The following LHFPL3 variants were observed in gnomAD, a reference collection of about 807,000 sequenced individuals.
The protein encoded by LHFPL3 is LHFPL tetraspan subfamily member 3 protein.
A neutral mutation model predicts 19.3 loss-of-function variants in LHFPL3; 5 were observed. The ratio of observed to expected loss-of-function variants is 0.26; its 90% CI spans 0.14 to 0.54. LHFPL3 has a LOEUF of 0.54. Ranked by LOEUF, LHFPL3 falls within the 20% of genes least tolerant of loss-of-function variation. The probability of loss-of-function intolerance (pLI) is 0.94; values close to 1 mark genes in which losing one functional copy is unlikely to be tolerated. For synonymous variants in LHFPL3, 133 were observed against 126.2 expected (o/e 1.05, Z -0.36); for missense variants, 249 against 307.4 (o/e 0.81, Z 1.42).
At chr7:104,603,066 T>TTTTC (rs373564018) in intron 1 of LHFPL3, among the ~76,000 whole-genome samples, 10,513 of 107,988 alleles carry the variant, frequency 0.097, 571 homozygotes, top group African/African-American at 0.12. Flanking sequence ...CTTTCTTTCT[T>TTTTC]TTTCTTTCTT....
At chr7:104,518,853 TA>T (rs1210143606) in intron 1 of LHFPL3, among the ~76,000 whole-genome samples, 3 of 137,588 alleles carry the variant, frequency 2.2e-5, no homozygotes, top group Non-Finnish European at 4.5e-5. Context: ...ATAGAATAAA[TA>T]AAAAAACTGT....
chr7:104,668,509 A>T, intron 1 of LHFPL3: 1 of 1,613,190 alleles, frequency 6.2e-7, no homozygotes, highest in Non-Finnish European at 8.5e-7. Flanking sequence ...CGGGATCGCT[A>T]TGATGACCGA....
At chr7:104,389,870 C>G (rs1190125923) in intron 1 of LHFPL3, among the ~76,000 whole-genome samples, 3 of 152,016 alleles carry the variant, frequency 2.0e-5, no homozygotes, top group Non-Finnish European at 4.4e-5. Flanking sequence ...ATCAACTCAC[C>G]ATCAATTACA....
chr7:104,819,599 T>C (rs770672360), intron 2 of LHFPL3, among the ~76,000 whole-genome samples: 12 of 152,344 alleles, frequency 7.9e-5, no homozygotes, highest in Non-Finnish European at 1.0e-4. Flanking sequence ...ATCACTCTTG[T>C]AATATAAAGT....
intron 2 of LHFPL3, among the ~76,000 whole-genome samples, chr7:104,822,938 C>T (rs1367414825): frequency 6.6e-6 from 1 of 152,104 alleles, no homozygotes; most frequent in Non-Finnish European, 1.5e-5. Flanking sequence ...ATGTGACTGG[C>T]TCTGAGTTAC....
rs2115642175 is a variant in LHFPL3, at chr7:104,592,162, G to T, written c.446-144513G>T. ...CTCCATCCAGCTTTGTTCCATTGCT[G>T]GTGAGGAGCTGCTTTCCTTTGGAGG... On this transcript the variant is annotated intron_variant, in intron 1 of 2. Transcript: ENST00000424859. Among the ~76,000 whole-genome samples, 3 of 152,208 alleles carry T rather than the reference G, an allele frequency of 2.0e-5. 1 individual carries two copies. The South Asian group carries it at 6.2e-4, about 32-fold the overall frequency.
intron 1 of LHFPL3, among the ~76,000 whole-genome samples, chr7:104,477,563 A>G (rs774046962): frequency 3.3e-5 from 5 of 152,182 alleles, no homozygotes; most frequent in Non-Finnish European, 5.9e-5. Flanking sequence ...ACACATGGAA[A>G]CATAGAGGGG....
At position 104,646,538 on chromosome 7, in the gene LHFPL3, G is replaced by A. The variant is rs547584821; in HGVS notation, c.446-90137G>A. Among the ~76,000 whole-genome samples, 42 of 152,240 alleles carry A rather than the reference G, an allele frequency of 2.8e-4. No homozygotes were observed. In the South Asian group the frequency reaches 8.7e-3, roughly 32 times the overall value. On this transcript the variant is annotated intron_variant, in intron 1 of 2. Coordinates refer to ENST00000424859, the MANE Select transcript of LHFPL3 (RefSeq NM_199000.3). ...TTGGCTGCATTATCTGGTTTCTATT[G>A]GGAAAATAAATTCTAAACTCAATAA...
intron 1 of LHFPL3, among the ~76,000 whole-genome samples, chr7:104,497,399 A>T (rs531658639): frequency 1.3e-5 from 2 of 152,164 alleles, no homozygotes; most frequent in African/African-American, 4.8e-5. Flanking sequence ...ACACACACAC[A>T]TACACACACA....
chr7:104,767,149 A>T (rs1389252729), intron 2 of LHFPL3, among the ~76,000 whole-genome samples: 1 of 152,248 alleles, frequency 6.6e-6, no homozygotes, highest in Non-Finnish European at 1.5e-5. Flanking sequence ...TTCTCAAAGT[A>T]ACCATTATTT....
intron 1 of LHFPL3, among the ~76,000 whole-genome samples, chr7:104,510,455 T>C (rs1793788109): frequency 6.6e-6 from 1 of 152,124 alleles, no homozygotes; most frequent in South Asian, 2.1e-4. Context: ...GATGGGCTTT[T>C]CAACAAATGG....
Position 104,845,576 on chromosome 7 carries a change from T to C in LHFPL3, c.683-60611T>C, listed in dbSNP as rs1039510029. Reference sequence around the variant, plus strand: ...GAAACTGCCGCTTTCAAGCCATAAATCTTCTGTCTTTGTTCCTGATTTTAT... The same window carrying C: ...GAAACTGCCGCTTTCAAGCCATAAACCTTCTGTCTTTGTTCCTGATTTTAT... On this transcript the variant is annotated intron_variant, in intron 2 of 2. Transcript: ENST00000424859. 5 of 904,642 alleles carry C rather than the reference T, an allele frequency of 5.5e-6. No individual in the cohort carries two copies. The Admixed American group carries it at 1.2e-4, about 22-fold the overall frequency. The allele number at this position is 904,642 out of a possible 1,614,324, so 56.0% of individuals were successfully genotyped here.
At chr7:104,539,871 T>C (rs1584389222) in intron 1 of LHFPL3, among the ~76,000 whole-genome samples, 1 of 152,230 alleles carries the variant, frequency 6.6e-6, no homozygotes, top group African/African-American at 2.4e-5. Flanking sequence ...TATGAAACTT[T>C]CTTATCTCAC....
At chr7:104,588,627 A>G (rs1024607181) in intron 1 of LHFPL3, among the ~76,000 whole-genome samples, 27 of 152,160 alleles carry the variant, frequency 1.8e-4, no homozygotes, top group Non-Finnish European at 3.5e-4. Context: ...TATGAACTTT[A>G]AAGTAGTTTT....
chr7:104,705,216 GTCTA>G (rs1793169965), intron 1 of LHFPL3, among the ~76,000 whole-genome samples: 1 of 152,076 alleles, frequency 6.6e-6, no homozygotes. Flanking sequence ...AAAAACTTAA[GTCTA>G]TCTTCAGAGA....
intron 2 of LHFPL3, among the ~76,000 whole-genome samples, chr7:104,893,525 A>T (rs1202933055): frequency 6.6e-6 from 1 of 152,118 alleles, no homozygotes; most frequent in East Asian, 1.9e-4. Flanking sequence ...CCATCTCAAA[A>T]AAAAAAATTA....
intron 2 of LHFPL3, among the ~76,000 whole-genome samples, chr7:104,869,915 A>G (rs1341777822): frequency 6.6e-6 from 1 of 152,236 alleles, no homozygotes; most frequent in Non-Finnish European, 1.5e-5. Flanking sequence ...GCAGCCATAA[A>G]AAATGATGAG....
At chr7:104,421,432 C>T (rs1300309379) in intron 1 of LHFPL3, among the ~76,000 whole-genome samples, 1 of 151,994 alleles carries the variant, frequency 6.6e-6, no homozygotes, top group Non-Finnish European at 1.5e-5. Flanking sequence ...CAAGTAGTAT[C>T]TGAGAATTAG....
At chr7:104,600,240 C>T (rs1356189395) in intron 1 of LHFPL3, among the ~76,000 whole-genome samples, 1 of 152,242 alleles carries the variant, frequency 6.6e-6, no homozygotes, top group Non-Finnish European at 1.5e-5. Context: ...CAGTACTTCA[C>T]TATTTGAATA....
Sources: allele counts gnomAD v4.1 joint callset (sites outside exome capture counted in the v4.1 genomes callset), GRCh38; gene constraint gnomAD v4.1.1; transcripts MANE v1.5; gene names NCBI Gene and HGNC (gene_info 2026-07-23, HGNC 2026-07-21).